ESRRG: variants seen among roughly 807,000 people sequenced by gnomAD.
ESRRG encodes estrogen-related receptor gamma.
A neutral mutation model predicts 44.0 loss-of-function variants in ESRRG; 13 were observed. That is an observed-to-expected ratio of 0.30 (90% confidence interval 0.19 to 0.47). The LOEUF (loss-of-function observed/expected upper bound fraction) is 0.47. Ranked by LOEUF, ESRRG falls within the 20% of genes least tolerant of loss-of-function variation. The pLI is 1.00. For missense variants in ESRRG, 395 were observed against 580.6 expected (o/e 0.68, Z 3.29); for synonymous variants, 215 against 214.6 (o/e 1.00, Z -0.02).
intron 1 of ESRRG, among the ~76,000 whole-genome samples, chr1:216,966,987 C>T (rs1365610303): frequency 6.6e-6 from 1 of 152,138 alleles, no homozygotes; most frequent in Non-Finnish European, 1.5e-5. Flanking sequence ...CTTGTGTACA[C>T]ATCCATTTGA....
At chr1:216,935,730 C>T (rs1228771217) in intron 2 of ESRRG, among the ~76,000 whole-genome samples, 1 of 151,994 alleles carries the variant, frequency 6.6e-6, no homozygotes. Flanking sequence ...AGTTCTCCTG[C>T]CTCAGCCTCC....
chr1:216,765,917 A>G (rs143159810), intron 2 of ESRRG, among the ~76,000 whole-genome samples: 315 of 152,260 alleles, frequency 2.1e-3, no homozygotes, highest in African/African-American at 7.4e-3. Context: ...AGTATTACGG[A>G]TCCCTGGTTC....
At position 216,686,459 on chromosome 1, in the gene ESRRG, A is replaced by G. The variant is rs980603224; in HGVS notation, c.57-8968T>C. Among the ~76,000 whole-genome samples the G allele has an allele frequency of 1.6e-3, 214 of 135,544 alleles. 2 individuals carry two copies. The highest frequency in any genetic ancestry group is 5.7e-3 in the African/African-American group (205 of 35,858). The allele number at this position is 135,544 out of a possible 152,430, so 88.9% of individuals were successfully genotyped here. On this transcript the variant is annotated intron_variant, in intron 1 of 6. Coordinates refer to ENST00000408911, the MANE Select transcript of ESRRG (RefSeq NM_001438.4). ...TTAACCAAAAAAAAAAAAAAAAAAAAAAAGAAAGGATTATTCAGCAGAAAC... is the reference window on the plus strand; with the variant it reads ...TTAACCAAAAAAAAAAAAAAAAAAAGAAAGAAAGGATTATTCAGCAGAAAC...
chr1:217,095,682 G>A (rs2092413239), intron 1 of ESRRG, among the ~76,000 whole-genome samples: 1 of 152,250 alleles, frequency 6.6e-6, no homozygotes, highest in East Asian at 1.9e-4. Flanking sequence ...GGTTTAAAAT[G>A]TTAGATTTAA....
At chr1:216,747,698 C>G (rs1026790432) in intron 2 of ESRRG, among the ~76,000 whole-genome samples, 1 of 152,074 alleles carries the variant, frequency 6.6e-6, no homozygotes, top group African/African-American at 2.4e-5. Flanking sequence ...GGACTTTGAG[C>G]GAAACGTTCA....
At chr1:216,566,641 T>G (rs2059728731) in intron 4 of ESRRG, among the ~76,000 whole-genome samples, 1 of 152,190 alleles carries the variant, frequency 6.6e-6, no homozygotes, top group South Asian at 2.1e-4. Context: ...AAACTAAACC[T>G]CTAATGAAAT....
intron 5 of ESRRG, among the ~76,000 whole-genome samples, chr1:216,550,379 C>G (rs1001083029): frequency 2.0e-5 from 3 of 152,064 alleles, no homozygotes; most frequent in African/African-American, 7.2e-5. Context: ...CGGACGAGGC[C>G]TGATCATGTC....
chr1:217,110,286 C>T (rs1212848674), intron 1 of ESRRG, among the ~76,000 whole-genome samples: 3 of 152,222 alleles, frequency 2.0e-5, no homozygotes, highest in Non-Finnish European at 4.4e-5. Context: ...TGTGCTATGG[C>T]AATCCCTTTA....
intron 2 of ESRRG, among the ~76,000 whole-genome samples, chr1:216,744,086 G>C (rs2091090798): frequency 6.6e-6 from 1 of 152,036 alleles, no homozygotes; most frequent in Non-Finnish European, 1.5e-5. Context: ...TTTGCTAGGA[G>C]GGTTTTAAAG....
chr1:216,930,104 C>G (rs2063140414), intron 2 of ESRRG, among the ~76,000 whole-genome samples: 1 of 152,192 alleles, frequency 6.6e-6, no homozygotes, highest in African/African-American at 2.4e-5. Flanking sequence ...ATCTTCCTTT[C>G]TGACTCACAT....
At chr1:216,559,890 C>T (rs893598574) in intron 5 of ESRRG, among the ~76,000 whole-genome samples, 2 of 152,092 alleles carry the variant, frequency 1.3e-5, no homozygotes, top group African/African-American at 4.8e-5. Flanking sequence ...CTTGGCTATT[C>T]TTTTCCAAAG....
At chr1:216,562,427 C>T (rs1320763677) in intron 5 of ESRRG, among the ~76,000 whole-genome samples, 2 of 152,104 alleles carry the variant, frequency 1.3e-5, no homozygotes, top group African/African-American at 4.8e-5. Context: ...ATCTCCTTAT[C>T]TTTGAATTGA....
At chr1:216,829,900 C>T (rs377283526) in intron 2 of ESRRG, among the ~76,000 whole-genome samples, 131 of 152,244 alleles carry the variant, frequency 8.6e-4, no homozygotes, top group African/African-American at 3.0e-3. Context: ...CTTCTCACCT[C>T]AGGAGGGGGA....
At chr1:216,942,905 A>G (rs2065480217) in intron 1 of ESRRG, among the ~76,000 whole-genome samples, 1 of 152,076 alleles carries the variant, frequency 6.6e-6, no homozygotes, top group Non-Finnish European at 1.5e-5. Context: ...GAAGCTCTTT[A>G]GTTTAATTAG....
At chr1:216,753,345 A>T (rs1260812397) in intron 2 of ESRRG, among the ~76,000 whole-genome samples, 1 of 152,138 alleles carries the variant, frequency 6.6e-6, no homozygotes, top group East Asian at 1.9e-4. Flanking sequence ...ATTAATGTTC[A>T]GAGAGTTTTG....
intron 1 of ESRRG, among the ~76,000 whole-genome samples, chr1:217,014,497 T>C (rs2079068903): frequency 6.6e-6 from 1 of 152,218 alleles, no homozygotes; most frequent in Non-Finnish European, 1.5e-5. Flanking sequence ...CTTTCCAATA[T>C]GGCTTTCTCT....
intron 2 of ESRRG, among the ~76,000 whole-genome samples, chr1:216,829,549 G>GTTT (rs66515526): frequency 5.2e-5 from 7 of 135,632 alleles, no homozygotes; most frequent in Non-Finnish European, 6.3e-5. Context: ...AAATGCCACA[G>GTTT]TTTTTTTTTT....
At chr1:217,008,879 C>T (rs967376516) in intron 1 of ESRRG, among the ~76,000 whole-genome samples, 1 of 152,142 alleles carries the variant, frequency 6.6e-6, no homozygotes, top group Non-Finnish European at 1.5e-5. Flanking sequence ...CACCAAAAAC[C>T]AGGTATATTC....
intron 3 of ESRRG, among the ~76,000 whole-genome samples, chr1:216,573,537 T>C (rs1315371517): frequency 6.6e-6 from 1 of 151,984 alleles, no homozygotes; most frequent in Non-Finnish European, 1.5e-5. Context: ...GCATAGAGTG[T>C]TACAATCTAT....
Sources: gnomAD v4.1 joint callset for allele counts (sites outside exome capture counted in the v4.1 genomes callset) on GRCh38, gnomAD v4.1.1 for gene constraint, MANE v1.5 for transcripts, NCBI Gene and HGNC (gene_info 2026-07-23, HGNC 2026-07-21) for gene names.